NAT1: variants seen among roughly 807,000 people sequenced by gnomAD.
NAT1 encodes N-acetyltransferase 1.
For missense variants in NAT1, 400 were observed against 339.2 expected, an observed-to-expected ratio of 1.18 and a Z score of -1.41; for synonymous variants, 144 against 122.6, an observed-to-expected ratio of 1.17 and a Z score of -1.16.
rs1805374923 is a variant in NAT1, at chr8:18,222,183, G to A, written c.136G>A (p.Asp46Asn). 1.2e-6 allele frequency: 2 copies of A among 1,614,000 alleles called. No homozygotes were observed. The highest frequency in any genetic ancestry group is 1.3e-5 in the African/African-American group (1 of 74,912). Residue 46 changes from aspartate (D) to asparagine (N), a missense_variant, in exon 3 of 3, where the codon GAT (aspartate) becomes AAT (asparagine). Coordinates refer to ENST00000307719, the MANE Select transcript of NAT1 (RefSeq NM_000662.8). ...TGAGAACCTTAACATCCATTGTGGG[G>A]ATGCCATGGACTTAGGCTTAGAGGC... ...PFENLNIHCG[D>N]AMDLGLEAIF...
At chr8:18,193,067 ATTTTTTTTTTTT>A (rs1167481551) in intron 2 of NAT1, among the ~76,000 whole-genome samples, 1 of 79,606 alleles carries the variant, frequency 1.3e-5, no homozygotes, top group African/African-American at 5.7e-5. Context: ...ATGAATTAGA[ATTTTTTTTTTTT>A]TTTTTTTTTT....
chr8:18,183,779 G>A (rs1802616057), intron 2 of NAT1, among the ~76,000 whole-genome samples: 2 of 152,202 alleles, frequency 1.3e-5, no homozygotes, highest in South Asian at 4.1e-4. Flanking sequence ...GGGAGGAATA[G>A]GCAAGAAGAA....
chr8:18,205,155 C>T (rs185042702), upstream of NAT1, among the ~76,000 whole-genome samples: 42 of 152,344 alleles, frequency 2.8e-4, no homozygotes, highest in African/African-American at 9.9e-4. Context: ...CATTCTTGCT[C>T]ACACGTGCCA....
At chr8:18,200,216 A>T (rs1803404163) in intron 2 of NAT1, among the ~76,000 whole-genome samples, 1 of 152,246 alleles carries the variant, frequency 6.6e-6, no homozygotes, top group South Asian at 2.1e-4. Flanking sequence ...AATATAAATT[A>T]TTCTACCATA....
chr8:18,170,792 A>ATTGC (rs2117186557), intron 2 of NAT1: 1 of 152,114 alleles, frequency 6.6e-6, no homozygotes, highest in African/African-American at 2.4e-5. Flanking sequence ...CTGGGCCTGA[A>ATTGC]TTGCTGGGTG....
intron 2 of NAT1, among the ~76,000 whole-genome samples, chr8:18,196,066 A>G (rs971415538): frequency 3.3e-5 from 5 of 152,182 alleles, no homozygotes; most frequent in Non-Finnish European, 7.3e-5. Flanking sequence ...AGCTTTGGAA[A>G]CTTTTAATAA....
chr8:18,220,339 G>T (rs190224417), intron 2 of NAT1, among the ~76,000 whole-genome samples: 3 of 151,990 alleles, frequency 2.0e-5, no homozygotes, highest in Admixed American at 2.0e-4. Context: ...GAATATAGAA[G>T]AAATGTTATG....
At chr8:18,218,128 T>G (rs899758051) in intron 1 of NAT1, among the ~76,000 whole-genome samples, 4 of 152,304 alleles carry the variant, frequency 2.6e-5, no homozygotes, top group African/African-American at 9.6e-5. Context: ...TTCCAGTGTT[T>G]TCTCTTCTCC....
Position 18,219,433 on chromosome 8 carries a change from C to T in NAT1, c.-63C>T, listed in dbSNP as rs1235637580. On this transcript the variant is annotated 5_prime_UTR_variant, in exon 2 of 3. Transcript: ENST00000307719. ...TAGAATTCAAGCCAGGAAGAAGCAG[C>T]AATCTGTCTTCTGGATTAAAACTGA... The T allele has an allele frequency of 6.5e-7, 1 of 1,550,158 alleles. No individual in the cohort carries two copies. Among genetic ancestry groups the T allele is most frequent in the East Asian group, 2.4e-5 (1 of 40,858 alleles).
At chr8:18,191,662 G>T (rs1003656932) in intron 2 of NAT1, among the ~76,000 whole-genome samples, 1 of 152,100 alleles carries the variant, frequency 6.6e-6, no homozygotes, top group Non-Finnish European at 1.5e-5. Flanking sequence ...CGATGGAACA[G>T]AACAGAGCCC....
chr8:18,188,849 GC>G (rs1353942242), intron 2 of NAT1, among the ~76,000 whole-genome samples: 1 of 151,564 alleles, frequency 6.6e-6, no homozygotes, highest in East Asian at 1.9e-4. Flanking sequence ...ACAAAAATTA[GC>G]CAGGTGTGGT....
intron 2 of NAT1, among the ~76,000 whole-genome samples, chr8:18,173,314 A>G (rs1380559607): frequency 6.6e-6 from 1 of 152,200 alleles, no homozygotes; most frequent in African/African-American, 2.4e-5. Flanking sequence ...ATGAGTTCAT[A>G]CTATCTAGCA....
chr8:18,185,488 G>C (rs534682979), intron 2 of NAT1, among the ~76,000 whole-genome samples: 31 of 152,192 alleles, frequency 2.0e-4, no homozygotes, highest in Admixed American at 2.0e-3. Context: ...CTGAGTCTGT[G>C]ACAATATTCC....
intron 1 of NAT1, among the ~76,000 whole-genome samples, chr8:18,217,466 A>G (rs975882205): frequency 2.0e-5 from 3 of 152,252 alleles, no homozygotes; most frequent in Non-Finnish European, 4.4e-5. Flanking sequence ...GGAGAAGGTC[A>G]TCCACATACT....
chr8:18,189,234 C>A (rs1386783435), intron 2 of NAT1, among the ~76,000 whole-genome samples: 1 of 152,078 alleles, frequency 6.6e-6, no homozygotes, highest in African/African-American at 2.4e-5. Context: ...TTTATGGCAG[C>A]AATTTTATTC....
At chr8:18,219,045 T>C (rs1229061798) in intron 1 of NAT1, among the ~76,000 whole-genome samples, 2 of 152,186 alleles carry the variant, frequency 1.3e-5, no homozygotes, top group African/African-American at 2.4e-5. Context: ...TGGTCTTTGA[T>C]GTGTTTGGTA....
chr8:18,216,347 C>G (rs1804666383), intron 1 of NAT1, among the ~76,000 whole-genome samples: 1 of 152,116 alleles, frequency 6.6e-6, no homozygotes, highest in African/African-American at 2.4e-5. Context: ...CATAGCATCC[C>G]AAAGTTATGA....
intron 2 of NAT1, among the ~76,000 whole-genome samples, chr8:18,181,324 G>A (rs1048552328): frequency 6.6e-6 from 1 of 152,098 alleles, no homozygotes; most frequent in African/African-American, 2.4e-5. Context: ...TATTGGCTGA[G>A]TACAGATTCA....
intron 2 of NAT1, among the ~76,000 whole-genome samples, chr8:18,190,347 G>T (rs191060313): frequency 2.6e-5 from 4 of 152,174 alleles, no homozygotes; most frequent in African/African-American, 9.7e-5. Context: ...CAGAGGAGGC[G>T]GTATTCACTG....
Sources: gnomAD v4.1 joint callset for allele counts (sites outside exome capture counted in the v4.1 genomes callset) on GRCh38, gnomAD v4.1.1 for gene constraint, MANE v1.5 for transcripts, NCBI Gene and HGNC (gene_info 2026-07-23, HGNC 2026-07-21) for gene names.